The following SLC45A4 variants were observed in gnomAD, a reference collection of about 807,000 sequenced individuals.
SLC45A4 encodes the protein polyamine-transporter SLC45A4.
SLC45A4 carries 32 observed loss-of-function variants against 63.7 expected under a neutral mutation model. That is an observed-to-expected ratio of 0.50 (90% confidence interval 0.38 to 0.67). The LOEUF is 0.67. Among genes scored for constraint, SLC45A4 ranks in the 30% least tolerant of loss-of-function variants. The pLI, the probability that SLC45A4 is intolerant of heterozygous loss-of-function variation, is 0.00. For synonymous variants in SLC45A4, 535 were observed against 510.0 expected (o/e 1.05, Z -0.66); for missense variants, 1,027 against 1,157.7 (o/e 0.89, Z 1.64).
chr8:141,246,184 A>G (rs1828182541), intron 2 of SLC45A4, among the ~76,000 whole-genome samples: 1 of 152,180 alleles, frequency 6.6e-6, no homozygotes, highest in South Asian at 2.1e-4. Context: ...AAAAATTCCA[A>G]TGTACCCAAA....
At chr8:141,296,500 T>TAAAAA (rs35777679) in intron 1 of SLC45A4, among the ~76,000 whole-genome samples, 2 of 107,960 alleles carry the variant, frequency 1.9e-5, no homozygotes, top group Non-Finnish European at 3.5e-5. Flanking sequence ...CCTCATTTCT[T>TAAAAA]AAAAAAAAAA....
chr8:141,208,733 G>C lies in SLC45A4; in HGVS notation c.*2839C>G, dbSNP rs1466459289. Reference sequence around the variant, plus strand: ...CAGTCTGCCGACAGACCCAGGAAAGGGGACACAGGCAGGCCGGCCCAGCTG... The same window carrying C: ...CAGTCTGCCGACAGACCCAGGAAAGCGGACACAGGCAGGCCGGCCCAGCTG... On this transcript the variant is annotated 3_prime_UTR_variant, in exon 9 of 9. Transcript: ENST00000517878. 6.6e-6 allele frequency: 1 copy of C among 152,246 alleles called. No homozygotes were observed. The highest frequency in any genetic ancestry group is 2.4e-5 in the African/African-American group (1 of 41,442). 9.4% of individuals were successfully genotyped at this position (152,246 alleles called of 1,614,324 possible). A position where few individuals can be genotyped will look rare whatever the true frequency, so the allele number is the denominator to read the frequency against.
At chr8:141,277,785 GC>G (rs1351726209) in intron 1 of SLC45A4, among the ~76,000 whole-genome samples, 1 of 152,014 alleles carries the variant, frequency 6.6e-6, no homozygotes, top group African/African-American at 2.4e-5. Flanking sequence ...GACTACAGGC[GC>G]CCACCACCAC....
rs1036889385 is a variant in SLC45A4, at chr8:141,227,904, G to A, written c.242-6139C>T. ...ACCCACGGCCCACCCAGCCCCTCCCGGAGTGCCAGCCATGGCTCTCTGAAC... is the reference window on the plus strand; with the variant it reads ...ACCCACGGCCCACCCAGCCCCTCCCAGAGTGCCAGCCATGGCTCTCTGAAC... On this transcript the variant is annotated intron_variant, in intron 2 of 8. Coordinates refer to ENST00000517878, the MANE Select transcript of SLC45A4 (RefSeq NM_001286646.2). This position sits in a 1 kb window ranked among gnomAD's most constrained non-coding sequence, Gnocchi z 4.4. Among the ~76,000 whole-genome samples, 8 of 151,924 alleles carry A rather than the reference G, an allele frequency of 5.3e-5. No homozygotes were observed. Among genetic ancestry groups the A allele is most frequent in the African/African-American group, 1.4e-4 (6 of 41,418 alleles).
intron 2 of SLC45A4, among the ~76,000 whole-genome samples, chr8:141,223,503 G>A (rs958079445): frequency 2.0e-5 from 3 of 152,234 alleles, no homozygotes; most frequent in Admixed American, 2.0e-4. Context: ...CATGCAGACT[G>A]TACCAATGTA....
chr8:141,269,745 C>T (rs1425402670), intron 1 of SLC45A4, among the ~76,000 whole-genome samples: 2 of 151,974 alleles, frequency 1.3e-5, no homozygotes, highest in Non-Finnish European at 2.9e-5. Context: ...CTATATGTGT[C>T]TGTATGTCTG....
chr8:141,222,643 C>T (rs560746817), intron 2 of SLC45A4, among the ~76,000 whole-genome samples: 2 of 152,352 alleles, frequency 1.3e-5, no homozygotes, highest in African/African-American at 4.8e-5. Context: ...ACAGTGTCGG[C>T]AGTCACAAGC....
intron 1 of SLC45A4, among the ~76,000 whole-genome samples, chr8:141,298,284 C>A (rs1830632666): frequency 6.6e-6 from 1 of 152,250 alleles, no homozygotes; most frequent in Non-Finnish European, 1.5e-5. Context: ...GAAGAACATT[C>A]TGTTTCTTTC....
At chr8:141,228,184 T>C (rs551045550) in intron 2 of SLC45A4, 7 of 1,614,070 alleles carry the variant, frequency 4.3e-6, no homozygotes, top group African/African-American at 4.0e-5. Flanking sequence ...CTAACCTTTC[T>C]GAAGACTCCA....
intron 1 of SLC45A4, among the ~76,000 whole-genome samples, chr8:141,263,613 T>C (rs927305291): frequency 1.5e-4 from 22 of 145,126 alleles, no homozygotes; most frequent in Non-Finnish European, 3.3e-4. Context: ...AAAAAAAAAA[T>C]ACAAAAATTA....
intron 1 of SLC45A4, among the ~76,000 whole-genome samples, chr8:141,277,003 T>C (rs1400343083): frequency 3.3e-5 from 5 of 152,198 alleles, no homozygotes; most frequent in African/African-American, 9.6e-5. Flanking sequence ...GCACAGGATG[T>C]CGCCTCCAGC....
chr8:141,273,076 C>T (rs1563665073), intron 1 of SLC45A4, among the ~76,000 whole-genome samples: 1 of 152,178 alleles, frequency 6.6e-6, no homozygotes, highest in Non-Finnish European at 1.5e-5. Flanking sequence ...GAGAAGAGCT[C>T]ATTTAAGAGG....
chr8:141,295,727 TCTCCAGAGG>T (rs1830523122), intron 1 of SLC45A4, among the ~76,000 whole-genome samples: 1 of 152,040 alleles, frequency 6.6e-6, no homozygotes, highest in Non-Finnish European at 1.5e-5. Flanking sequence ...GTCTGAAAGG[TCTCCAGAGG>T]CTGGAAGCAC....
At chr8:141,307,411 T>C (rs1830931122) in intron 1 of SLC45A4, among the ~76,000 whole-genome samples, 1 of 152,066 alleles carries the variant, frequency 6.6e-6, no homozygotes, top group South Asian at 2.1e-4. Context: ...GCAGTGCCGA[T>C]GAGACCGGGG....
chr8:141,255,990 G>A (rs186503803), intron 1 of SLC45A4, among the ~76,000 whole-genome samples: 3 of 152,194 alleles, frequency 2.0e-5, no homozygotes, highest in African/African-American at 7.2e-5. Context: ...CAACCCACAC[G>A]CAGCTTTCCC....
chr8:141,297,615 G>A (rs1000709674), intron 1 of SLC45A4, among the ~76,000 whole-genome samples: 1 of 152,218 alleles, frequency 6.6e-6, no homozygotes, highest in Non-Finnish European at 1.5e-5. Context: ...CAGCCTGGCT[G>A]CTGCAGAGAT....
In SLC45A4 at chr8:141,227,278, C is replaced by A. The variant is rs946327589; in HGVS notation, c.242-5513G>T. ...CGTGTGGCGGCTCCTGTTCACAGTG[C>A]CGTGTGTGATAAACTGGGACTTTCT... On this transcript the variant is annotated intron_variant, in intron 2 of 8. Transcript: ENST00000517878. This position sits in a 1 kb window ranked among gnomAD's most constrained non-coding sequence, Gnocchi z 4.4. 6.6e-6 allele frequency among the ~76,000 whole-genome samples: 1 copy of A among 152,132 alleles called. No homozygotes were observed. The highest frequency in any genetic ancestry group is 1.5e-5 in the Non-Finnish European group (1 of 68,028).
chr8:141,297,222 G>A (rs1830586320), intron 1 of SLC45A4, among the ~76,000 whole-genome samples: 1 of 152,124 alleles, frequency 6.6e-6, no homozygotes, highest in Admixed American at 6.5e-5. Flanking sequence ...TCCCCTCTGA[G>A]TTATTAAAGC....
intron 1 of SLC45A4, among the ~76,000 whole-genome samples, chr8:141,280,800 C>G (rs1209091686): frequency 3.3e-5 from 5 of 152,232 alleles, no homozygotes; most frequent in Non-Finnish European, 7.3e-5. Context: ...TCCTCCCCAA[C>G]AGGTGGGTGT....
Sources: gnomAD v4.1 joint callset for allele counts (sites outside exome capture counted in the v4.1 genomes callset) on GRCh38, gnomAD v4.1.1 for gene constraint, Gnocchi (gnomAD v3.1) non-coding constraint, MANE v1.5 for transcripts, NCBI Gene and HGNC (gene_info 2026-07-23, HGNC 2026-07-21) for gene names.